Variants in PTPRT observed in about 807,000 individuals in gnomAD.
PTPRT encodes receptor-type tyrosine-protein phosphatase T.
A neutral mutation model predicts 176.8 loss-of-function variants in PTPRT; 56 were observed. The observed-to-expected ratio is 0.32, with a 90% CI of 0.26 to 0.40. The LOEUF (loss-of-function observed/expected upper bound fraction) is 0.40, where lower values mean the gene tolerates loss of function less well. Ranked by LOEUF, PTPRT falls within the 10% of genes least tolerant of loss-of-function variation. The pLI, the probability that PTPRT is intolerant of heterozygous loss-of-function variation, is 1.00. For missense variants in PTPRT, 1,540 were observed against 1,908.2 expected (o/e 0.81, Z 3.60); for synonymous variants, 783 against 739.0 (o/e 1.06, Z -0.96).
chr20:42,407,212 C>T lies in PTPRT; in HGVS notation c.1560+41008G>A, dbSNP rs187709794. Reference sequence around the variant, plus strand: ...CACTAGATTTGAAGCTAAATGCTTACGAGTTTTACAGTTGTTGCAGCTGAT... The same window carrying T: ...CACTAGATTTGAAGCTAAATGCTTATGAGTTTTACAGTTGTTGCAGCTGAT... On this transcript the variant is annotated intron_variant, in intron 9 of 30. Transcript: ENST00000373187. Among the ~76,000 whole-genome samples, 14 of 152,290 alleles carry T rather than the reference C, an allele frequency of 9.2e-5. No homozygotes were observed. In the East Asian group the frequency reaches 2.1e-3, roughly 23 times the overall value.
chr20:42,141,853 T>C, intron 18 of PTPRT, 62 bp downstream of exon 18: 1 of 1,402,244 alleles, frequency 7.1e-7, no homozygotes, highest in Non-Finnish European at 1.0e-6. Context: ...ATAATAGTAA[T>C]AGCCTCTTTT....
chr20:43,116,257 A>G (rs959000290), intron 1 of PTPRT, among the ~76,000 whole-genome samples: 3 of 152,164 alleles, frequency 2.0e-5, no homozygotes, highest in Admixed American at 6.5e-5. Flanking sequence ...ACTGACTCTC[A>G]GATACCACTG....
intron 1 of PTPRT, among the ~76,000 whole-genome samples, chr20:43,139,347 C>T (rs536852084): frequency 6.6e-6 from 1 of 152,356 alleles, no homozygotes; most frequent in Admixed American, 6.5e-5. Flanking sequence ...TGTGCCTTCA[C>T]TCTCTGTGGC....
intron 1 of PTPRT, among the ~76,000 whole-genome samples, chr20:42,909,792 C>A (rs1426130747): frequency 1.3e-5 from 2 of 152,214 alleles, no homozygotes; most frequent in South Asian, 2.1e-4. Context: ...CCATTATTCA[C>A]TTGCTTTCAC....
At chr20:42,563,411 G>T (rs2072985833) in intron 7 of PTPRT, among the ~76,000 whole-genome samples, 1 of 152,128 alleles carries the variant, frequency 6.6e-6, no homozygotes, top group Non-Finnish European at 1.5e-5. Context: ...GCTCTTGGTA[G>T]AATTATAAAT....
At chr20:42,992,119 A>C (rs1296396821) in intron 1 of PTPRT, among the ~76,000 whole-genome samples, 1 of 152,234 alleles carries the variant, frequency 6.6e-6, no homozygotes, top group African/African-American at 2.4e-5. Context: ...GCAATTAAAA[A>C]AATAAAAGAC....
At chr20:42,693,889 A>T (rs1254919249) in intron 6 of PTPRT, among the ~76,000 whole-genome samples, 1 of 151,998 alleles carries the variant, frequency 6.6e-6, no homozygotes, top group African/African-American at 2.4e-5. Flanking sequence ...TCCCCACCTC[A>T]TCATTCATCC....
chr20:42,107,806 G>C (rs1376368358), intron 23 of PTPRT, among the ~76,000 whole-genome samples: 1 of 152,240 alleles, frequency 6.6e-6, no homozygotes, highest in Non-Finnish European at 1.5e-5. Context: ...GAGGAAGAGA[G>C]ATGGAACAAG....
chr20:43,165,637 A>G (rs1368642286), intron 1 of PTPRT, among the ~76,000 whole-genome samples: 1 of 152,204 alleles, frequency 6.6e-6, no homozygotes, highest in East Asian at 1.9e-4. Context: ...ACTAACACAT[A>G]AGTGAATGGC....
chr20:42,769,469 T>C (rs1487848995), intron 5 of PTPRT, among the ~76,000 whole-genome samples: 2 of 152,132 alleles, frequency 1.3e-5, no homozygotes, highest in Non-Finnish European at 2.9e-5. Context: ...AGACTGACCA[T>C]ACTGAGTGCT....
chr20:42,125,726 T>C (rs1458150085), intron 19 of PTPRT, among the ~76,000 whole-genome samples: 1 of 152,208 alleles, frequency 6.6e-6, no homozygotes, highest in East Asian at 1.9e-4. Context: ...AGCAATTTCG[T>C]TTGTTGCCTA....
intron 1 of PTPRT, among the ~76,000 whole-genome samples, chr20:43,070,830 T>C (rs2011170086): frequency 6.7e-6 from 1 of 148,180 alleles, no homozygotes; most frequent in Non-Finnish European, 1.5e-5. Context: ...TGTTGTGGGG[T>C]GGGGGGAAGG....
intron 2 of PTPRT, among the ~76,000 whole-genome samples, chr20:42,797,251 A>G (rs772699496): frequency 2.6e-5 from 4 of 152,164 alleles, no homozygotes; most frequent in Non-Finnish European, 5.9e-5. Flanking sequence ...CTCCCTTGGC[A>G]CTGGCCTAAT....
At chr20:42,328,007 A>G (rs1311994825) in intron 11 of PTPRT, among the ~76,000 whole-genome samples, 2 of 152,138 alleles carry the variant, frequency 1.3e-5, no homozygotes, top group Admixed American at 1.3e-4. Flanking sequence ...CTGTATATAT[A>G]ATGGGATAGA....
chr20:42,241,547 C>T (rs1235433491), intron 14 of PTPRT, among the ~76,000 whole-genome samples: 3 of 152,062 alleles, frequency 2.0e-5, no homozygotes, highest in Admixed American at 2.0e-4. Context: ...TGTGGTTACA[C>T]CATCACTGAC....
At chr20:43,030,228 C>T (rs1986085431) in intron 1 of PTPRT, among the ~76,000 whole-genome samples, 1 of 152,018 alleles carries the variant, frequency 6.6e-6, no homozygotes, top group African/African-American at 2.4e-5. Context: ...ATGGGAAGAC[C>T]CAGATGTTGC....
chr20:42,302,244 A>C (rs2057479840), intron 12 of PTPRT, among the ~76,000 whole-genome samples: 1 of 152,078 alleles, frequency 6.6e-6, no homozygotes, highest in South Asian at 2.1e-4. Flanking sequence ...TAGGCAAGAC[A>C]ATTTTTTTTT....
chr20:43,122,401 G>T (rs752890270), intron 1 of PTPRT, among the ~76,000 whole-genome samples: 2 of 152,150 alleles, frequency 1.3e-5, no homozygotes, highest in Non-Finnish European at 2.9e-5. Flanking sequence ...CTCAGTCCTA[G>T]AAAGGCCTGT....
At chr20:42,377,691 G>A (rs2058664513) in intron 9 of PTPRT, among the ~76,000 whole-genome samples, 1 of 152,140 alleles carries the variant, frequency 6.6e-6, no homozygotes, top group Non-Finnish European at 1.5e-5. Flanking sequence ...CTAAAATCCT[G>A]TGCTTCCGGT....
Sources: gnomAD v4.1 joint callset for allele counts (sites outside exome capture counted in the v4.1 genomes callset) on GRCh38, gnomAD v4.1.1 for gene constraint, MANE v1.5 for transcripts, NCBI Gene and HGNC (gene_info 2026-07-23, HGNC 2026-07-21) for gene names.